SPRED1: variants seen among roughly 807,000 people sequenced by gnomAD.
The protein encoded by SPRED1 is sprouty related EVH1 domain containing 1, also known as sprouty-related, EVH1 domain-containing protein 1.
Under a neutral mutation model 52.3 loss-of-function variants are expected in SPRED1, and 18 were observed. The observed-to-expected ratio is 0.34, with a 90% CI of 0.24 to 0.51. The LOEUF is 0.51. SPRED1 is among the 20% of genes least tolerant of loss of function. SPRED1 has a pLI of 0.97. For synonymous variants in SPRED1, 155 were observed against 179.7 expected (o/e 0.86, Z 1.10); for missense variants, 485 against 551.0 (o/e 0.88, Z 1.20).
At chr15:38,278,728 T>C (rs1840260684) in intron 1 of SPRED1, among the ~76,000 whole-genome samples, 1 of 150,624 alleles carries the variant, frequency 6.6e-6, no homozygotes, top group Non-Finnish European at 1.5e-5. Flanking sequence ...ATGCAAATGC[T>C]GTGTAAATAG....
chr15:38,302,272 T>C (rs1895162067), intron 2 of SPRED1, among the ~76,000 whole-genome samples: 1 of 152,230 alleles, frequency 6.6e-6, no homozygotes, highest in African/African-American at 2.4e-5. Context: ...TTATCAGTTA[T>C]GAGAGAACCA....
chr15:38,273,557 A>G (rs1894485283), intron 1 of SPRED1, among the ~76,000 whole-genome samples: 1 of 117,758 alleles, frequency 8.5e-6, no homozygotes, highest in Admixed American at 9.1e-5. Flanking sequence ...ATATATATAT[A>G]TGAATAATAG....
intron 4 of SPRED1, among the ~76,000 whole-genome samples, chr15:38,338,293 G>GTT (rs1220501701): frequency 6.5e-4 from 25 of 38,380 alleles, no homozygotes; most frequent in Admixed American, 1.3e-3. Context: ...ACCCATTTTT[G>GTT]TTTTGTTTTG....
At chr15:38,258,025 A>C (rs1309352269) in intron 1 of SPRED1, among the ~76,000 whole-genome samples, 3 of 152,238 alleles carry the variant, frequency 2.0e-5, no homozygotes, top group Non-Finnish European at 4.4e-5. Context: ...CGACATTAAA[A>C]ATGCCAATTT....
intron 5 of SPRED1, among the ~76,000 whole-genome samples, chr15:38,345,669 G>A (rs551755000): frequency 4.9e-4 from 74 of 152,248 alleles, no homozygotes; most frequent in Non-Finnish European, 9.4e-4. Context: ...GGAATATGTT[G>A]TCCACTCGGT....
Position 38,253,083 on chromosome 15 carries a change from C to A in SPRED1, c.-103C>A. The A allele has an allele frequency of 2.0e-6, 2 of 990,772 alleles. No homozygotes were observed. The highest frequency in any genetic ancestry group is 2.7e-5 in the South Asian group (2 of 73,064). 61.4% of individuals were successfully genotyped at this position (990,772 alleles called of 1,614,324 possible). ...GGTGAGGCCCCTGTGCCGCTGCCCC[C>A]GCGCCCCCCCGGCCGCCGCTGCCTC... is the stretch of plus-strand genomic sequence containing the variant. On this transcript the variant is annotated 5_prime_UTR_variant, in exon 1 of 7. Coordinates refer to ENST00000299084, the MANE Select transcript of SPRED1 (RefSeq NM_152594.3).
chr15:38,352,426 T>C lies in SPRED1; in HGVS notation c.*762T>C, dbSNP rs941356063. ...TCTAAAATCCTTAAAAATACTCTAATAGCCTTGAGTGACCAACTTTTTTTT... is the reference window on the plus strand; with the variant it reads ...TCTAAAATCCTTAAAAATACTCTAACAGCCTTGAGTGACCAACTTTTTTTT... On this transcript the variant is annotated 3_prime_UTR_variant, in exon 7 of 7. Transcript: ENST00000299084. The C allele has an allele frequency of 6.6e-6, 1 of 152,512 alleles. No homozygotes were observed. Among genetic ancestry groups the C allele is most frequent in the East Asian group, 1.9e-4 (1 of 5,196 alleles). The allele number at this position is 152,512 out of a possible 1,614,324, so 9.4% of individuals were successfully genotyped here.
intron 4 of SPRED1, among the ~76,000 whole-genome samples, chr15:38,338,753 G>A (rs1231970873): frequency 1.3e-5 from 2 of 151,986 alleles, no homozygotes; most frequent in East Asian, 3.8e-4. Flanking sequence ...GAATGCCAAA[G>A]GAATTAAATG....
intron 1 of SPRED1, among the ~76,000 whole-genome samples, chr15:38,284,209 T>C (rs1894754362): frequency 6.6e-6 from 1 of 152,182 alleles, no homozygotes; most frequent in Non-Finnish European, 1.5e-5. Context: ...ATCATAGTAG[T>C]GGCTGAAAAT....
At chr15:38,345,962 A>G (rs1384759453) in intron 5 of SPRED1, among the ~76,000 whole-genome samples, 1 of 152,182 alleles carries the variant, frequency 6.6e-6, no homozygotes, top group Non-Finnish European at 1.5e-5. Context: ...CAACTACGCT[A>G]GTTTATGTTC....
At chr15:38,319,875 A>G (rs1021795873) in intron 2 of SPRED1, among the ~76,000 whole-genome samples, 1 of 152,212 alleles carries the variant, frequency 6.6e-6, no homozygotes, top group Non-Finnish European at 1.5e-5. Context: ...ATCAGCTTTC[A>G]AGAGGGGACA....
rs867105227 is a variant in SPRED1 at position 38,256,759 on chromosome 15, G to A, written c.32+3542G>A. ...CCCAGTGGTGAGTTATTTTTGATAA[G>A]TGTAAATAAACATATGTTCACCCCA... On this transcript the variant is annotated intron_variant, in intron 1 of 6. Transcript: ENST00000299084. 3.3e-5 allele frequency among the ~76,000 whole-genome samples: 5 copies of A among 151,948 alleles called. No homozygotes were observed. The South Asian group carries it at 1.0e-3, about 31-fold the overall frequency.
intron 1 of SPRED1, among the ~76,000 whole-genome samples, chr15:38,263,092 T>C (rs759712169): frequency 2.6e-5 from 4 of 152,166 alleles, no homozygotes; most frequent in East Asian, 1.9e-4. Context: ...TTTGGAACTA[T>C]TGGGGACTCA....
In SPRED1 at chr15:38,354,876, A is replaced by G. The variant is rs1026658042; in HGVS notation, c.*3212A>G. 2.0e-5 allele frequency: 3 copies of G among 152,186 alleles called. No individual in the cohort carries two copies. Among genetic ancestry groups the G allele is most frequent in the African/African-American group, 7.2e-5 (3 of 41,444 alleles). 9.4% of individuals were successfully genotyped at this position (152,186 alleles called of 1,614,324 possible). ...CTTCCGCCAGTCAGGGAGAATTTTT[A>G]AAAATAATAATCAAAACATGAAAAA... On this transcript the variant is annotated 3_prime_UTR_variant, in exon 7 of 7. Coordinates refer to ENST00000299084, the MANE Select transcript of SPRED1 (RefSeq NM_152594.3).
intron 1 of SPRED1, among the ~76,000 whole-genome samples, chr15:38,263,802 C>T (rs934797295): frequency 3.3e-5 from 5 of 151,934 alleles, no homozygotes; most frequent in Non-Finnish European, 5.9e-5. Flanking sequence ...CTAAAGGTAG[C>T]GGATGCGCTA....
At chr15:38,329,960 A>G (rs1895776905) in intron 4 of SPRED1, among the ~76,000 whole-genome samples, 1 of 152,172 alleles carries the variant, frequency 6.6e-6, no homozygotes, top group South Asian at 2.1e-4. Flanking sequence ...ACGTCATTGA[A>G]TATTTCCCAC....
intron 1 of SPRED1, among the ~76,000 whole-genome samples, chr15:38,278,793 C>T (rs1894617721): frequency 6.9e-6 from 1 of 143,940 alleles, no homozygotes; most frequent in Non-Finnish European, 1.5e-5. Context: ...TGTACATGTT[C>T]AGTACAAACA....
At chr15:38,323,000 A>G (rs796531294) in intron 3 of SPRED1, among the ~76,000 whole-genome samples, 6 of 152,268 alleles carry the variant, frequency 3.9e-5, no homozygotes, top group African/African-American at 1.4e-4. Flanking sequence ...GCTTATGCTT[A>G]CTTAAACAAA....
intron 2 of SPRED1, among the ~76,000 whole-genome samples, chr15:38,311,736 T>C (rs1895371929): frequency 6.6e-6 from 1 of 152,214 alleles, no homozygotes; most frequent in South Asian, 2.1e-4. Context: ...AGTTATTCTT[T>C]TAAAGGCTGC....
Sources: allele counts gnomAD v4.1 joint callset (sites outside exome capture counted in the v4.1 genomes callset), GRCh38; gene constraint gnomAD v4.1.1; transcripts MANE v1.5; gene names NCBI Gene and HGNC (gene_info 2026-07-23, HGNC 2026-07-21).